The following TCF7L2 variants were observed in gnomAD, a reference collection of about 807,000 sequenced individuals.
TCF7L2 encodes the protein transcription factor 7 like 2.
TCF7L2 carries 23 observed loss-of-function variants against 77.9 expected under a neutral mutation model. The ratio of observed to expected loss-of-function variants is 0.30; its 90% CI spans 0.21 to 0.42. The LOEUF (loss-of-function observed/expected upper bound fraction) is 0.42, where lower values mean the gene tolerates loss of function less well. Ranked by LOEUF, TCF7L2 falls within the 10% of genes least tolerant of loss-of-function variation. The pLI is 1.00. For synonymous variants in TCF7L2, 413 were observed against 340.2 expected (o/e 1.21, Z -2.36); for missense variants, 654 against 793.1 (o/e 0.82, Z 2.11).
At chr10:113,013,403 G>A (rs1387431695) in intron 4 of TCF7L2, among the ~76,000 whole-genome samples, 1 of 152,214 alleles carries the variant, frequency 6.6e-6, no homozygotes, top group Non-Finnish European at 1.5e-5. Context: ...ACGGGCATGA[G>A]CCACAGTGCC....
chr10:113,073,734 G>T (rs966391022), intron 5 of TCF7L2, among the ~76,000 whole-genome samples: 34 of 150,244 alleles, frequency 2.3e-4, no homozygotes, highest in Admixed American at 4.7e-4. Context: ...TCTTGGCTCC[G>T]CCCTGCAGAG....
intron 5 of TCF7L2, among the ~76,000 whole-genome samples, chr10:113,118,682 T>A (rs980863966): frequency 1.7e-4 from 25 of 149,306 alleles, no homozygotes; most frequent in Non-Finnish European, 3.0e-4. Context: ...TTTTTTGTTT[T>A]TTTTATTTTA....
chr10:112,972,935 G>C (rs1004724989), intron 4 of TCF7L2, among the ~76,000 whole-genome samples: 12 of 152,216 alleles, frequency 7.9e-5, no homozygotes, highest in Non-Finnish European at 1.8e-4. Flanking sequence ...TGTGACTAGA[G>C]AGAGATTGTC....
intron 4 of TCF7L2, among the ~76,000 whole-genome samples, chr10:113,025,114 G>A (rs1415999814): frequency 6.6e-6 from 1 of 151,782 alleles, no homozygotes; most frequent in Non-Finnish European, 1.5e-5. Context: ...CTGAAGTACG[G>A]TGGCACAATC....
intron 4 of TCF7L2, among the ~76,000 whole-genome samples, chr10:112,985,866 G>T (rs1418225844): frequency 4.3e-4 from 64 of 149,970 alleles, no homozygotes; most frequent in African/African-American, 1.5e-3. Flanking sequence ...TAGTTTGTGT[G>T]TGTGTGTGTG....
chr10:113,165,167 A>G (rs1320178863), intron 13 of TCF7L2, among the ~76,000 whole-genome samples: 1 of 152,206 alleles, frequency 6.6e-6, no homozygotes, highest in Admixed American at 6.5e-5. Flanking sequence ...GGACTGTCTA[A>G]GCCAAAAGAG....
intron 5 of TCF7L2, among the ~76,000 whole-genome samples, chr10:113,098,792 T>G (rs916722690): frequency 1.3e-5 from 2 of 152,270 alleles, no homozygotes; most frequent in Non-Finnish European, 2.9e-5. Context: ...CTACGAATTG[T>G]AATATAAATT....
chr10:113,052,778 G>A (rs1349270957), intron 5 of TCF7L2, among the ~76,000 whole-genome samples: 2 of 152,134 alleles, frequency 1.3e-5, no homozygotes, highest in Non-Finnish European at 2.9e-5. Flanking sequence ...GGATCTAGTC[G>A]TATTTCTGAG....
At chr10:113,116,693 T>A (rs1011635735) in intron 5 of TCF7L2, among the ~76,000 whole-genome samples, 5 of 151,568 alleles carry the variant, frequency 3.3e-5, no homozygotes, top group Non-Finnish European at 5.9e-5. Context: ...GCCTATTTTT[T>A]AAAAAGGGTT....
chr10:113,128,564 A>C (rs183699972), intron 5 of TCF7L2, among the ~76,000 whole-genome samples: 1 of 152,282 alleles, frequency 6.6e-6, no homozygotes, highest in Non-Finnish European at 1.5e-5. Flanking sequence ...CAAGCCACAC[A>C]AGTCCAGGAT....
At chr10:113,067,737 T>A (rs1027094134) in intron 5 of TCF7L2, among the ~76,000 whole-genome samples, 1 of 152,076 alleles carries the variant, frequency 6.6e-6, no homozygotes, top group Admixed American at 6.6e-5. Context: ...CTTGAGCAAG[T>A]CTTGGCATGC....
At chr10:113,007,585 G>A (rs755785276) in intron 4 of TCF7L2, among the ~76,000 whole-genome samples, 8 of 152,226 alleles carry the variant, frequency 5.3e-5, no homozygotes, top group East Asian at 1.9e-4. Flanking sequence ...CAGCATCACC[G>A]AGGCTGGAGT....
intron 4 of TCF7L2, among the ~76,000 whole-genome samples, chr10:112,984,897 G>T (rs2041195403): frequency 6.6e-6 from 1 of 152,156 alleles, no homozygotes; most frequent in Non-Finnish European, 1.5e-5. Flanking sequence ...CATTTTTGTT[G>T]TGATAAGGAG....
At chr10:113,158,675 G>C (rs761567180) in intron 12 of TCF7L2, 1 of 1,613,734 alleles carries the variant, frequency 6.2e-7, no homozygotes, top group East Asian at 2.2e-5. Context: ...AGAACACAGC[G>C]AATGTTTCCT....
chr10:113,150,682 G>A (rs1348547840), intron 8 of TCF7L2, among the ~76,000 whole-genome samples: 2 of 152,176 alleles, frequency 1.3e-5, no homozygotes, highest in Non-Finnish European at 2.9e-5. Context: ...CAAAAAACAA[G>A]TGGACGTGCG....
At chr10:112,965,147 T>A (rs1043392367) in intron 4 of TCF7L2, among the ~76,000 whole-genome samples, 3 of 152,170 alleles carry the variant, frequency 2.0e-5, no homozygotes, top group Non-Finnish European at 4.4e-5. Flanking sequence ...TCTTTGGACC[T>A]GATCATCCTG....
At chr10:113,159,843 C>CT (rs1555150922) in intron 12 of TCF7L2, 77 bp from the exon 14 acceptor site, 3,083 of 158,990 alleles carry the variant, frequency 0.019, 341 homozygotes, top group African/African-American at 0.054. Flanking sequence ...CCCCCCCCCC[C>CT]CCTCTTTCTC....
intron 5 of TCF7L2, among the ~76,000 whole-genome samples, chr10:113,070,954 C>T (rs532097426): frequency 6.6e-6 from 1 of 152,172 alleles, no homozygotes; most frequent in African/African-American, 2.4e-5. Context: ...CCCTAAGTCC[C>T]ACAGTCCTAG....
At position 112,998,752 on chromosome 10, in the gene TCF7L2, AC is replaced by A. The variant is rs540288676; in HGVS notation, c.450+34129del. 1.8e-3 allele frequency among the ~76,000 whole-genome samples: 281 copies of A among 152,312 alleles called. 1 individual carries two copies. Among genetic ancestry groups the A allele is most frequent in the Non-Finnish European group, 3.3e-3 (222 of 68,030 alleles). On this transcript the variant is annotated intron_variant, in intron 4 of 13. Coordinates refer to ENST00000627217, the MANE Select transcript of TCF7L2 (RefSeq NM_001146274.2). ...TGAGAAGCTTGGGCACTTCACTGCT[AC>A]ATTTCATCTCTTCGCTATAAACATT...
Sources: allele counts gnomAD v4.1 joint callset (sites outside exome capture counted in the v4.1 genomes callset), GRCh38; gene constraint gnomAD v4.1.1; transcripts MANE v1.5; gene names NCBI Gene and HGNC (gene_info 2026-07-23, HGNC 2026-07-21).